The following MBOAT1 variants were observed in gnomAD, a reference collection of about 807,000 sequenced individuals.
The protein encoded by MBOAT1 is membrane-bound glycerophospholipid O-acyltransferase 1.
Under a neutral mutation model 64.4 loss-of-function variants are expected in MBOAT1, and 67 were observed. The ratio of observed to expected loss-of-function variants is 1.04; its 90% CI spans 0.85 to 1.27. The LOEUF (loss-of-function observed/expected upper bound fraction) is 1.27, where lower values mean the gene tolerates loss of function less well. MBOAT1 is among the 50% of genes most tolerant of loss of function. The probability of loss-of-function intolerance (pLI) is 0.00; values close to 1 mark genes in which losing one functional copy is unlikely to be tolerated. For missense variants in MBOAT1, 563 were observed against 604.6 expected (o/e 0.93, Z 0.72); for synonymous variants, 229 against 218.9 (o/e 1.05, Z -0.41).
chr6:20,157,878 G>GC (rs1761740802), intron 1 of MBOAT1, among the ~76,000 whole-genome samples: 1 of 152,118 alleles, frequency 6.6e-6, no homozygotes, highest in African/African-American at 2.4e-5. Flanking sequence ...ACATGAGCCA[G>GC]CCCGCAGTGG....
chr6:20,145,579 A>G (rs916089920), intron 3 of MBOAT1, among the ~76,000 whole-genome samples: 1 of 152,218 alleles, frequency 6.6e-6, no homozygotes, highest in African/African-American at 2.4e-5. Context: ...GGATCCCACT[A>G]TCTAGTGAAA....
rs532655486 is a variant in MBOAT1, at chr6:20,131,324, C to A, written c.420-125G>T. ...AATCCCCACATGTCGTGGGAGGGAC[C>A]AAATGGGAGGTAATTGAATCATGGG... On this transcript the variant is annotated intron_variant, in intron 4 of 12. Transcript: ENST00000324607. 401 of 789,224 alleles carry A rather than the reference C, an allele frequency of 5.1e-4. 10 individuals carry two copies. In the South Asian group the frequency reaches 5.7e-3, roughly 11 times the overall value. 48.9% of individuals were successfully genotyped at this position (789,224 alleles called of 1,614,324 possible). A position where few individuals can be genotyped will look rare whatever the true frequency, so the allele number is the denominator to read the frequency against.
At chr6:20,165,698 G>A (rs1761997577) in intron 1 of MBOAT1, among the ~76,000 whole-genome samples, 2 of 151,490 alleles carry the variant, frequency 1.3e-5, no homozygotes, top group Non-Finnish European at 2.9e-5. Context: ...AGCCGCGATC[G>A]TGCCAGTGCA....
chr6:20,198,104 T>G (rs1463549516), intron 1 of MBOAT1, among the ~76,000 whole-genome samples: 2 of 151,864 alleles, frequency 1.3e-5, no homozygotes, highest in East Asian at 3.9e-4. Flanking sequence ...GGCAGGTGCT[T>G]GTAATCCCAG....
intron 8 of MBOAT1, among the ~76,000 whole-genome samples, chr6:20,123,987 GT>G (rs1399365877): frequency 1.3e-5 from 2 of 152,166 alleles, no homozygotes; most frequent in African/African-American, 4.8e-5. Context: ...AACCCAGGAG[GT>G]GGAGCTTGCA....
intron 1 of MBOAT1, among the ~76,000 whole-genome samples, chr6:20,162,747 T>A (rs1329612091): frequency 1.3e-5 from 2 of 152,218 alleles, no homozygotes; most frequent in African/African-American, 4.8e-5. Flanking sequence ...TTGCCTGCAG[T>A]GGCCTCTCAA....
At chr6:20,114,752 T>C (rs1236595898) in intron 10 of MBOAT1, among the ~76,000 whole-genome samples, 2 of 151,912 alleles carry the variant, frequency 1.3e-5, no homozygotes, top group African/African-American at 2.4e-5. Context: ...GGCTTGGTGA[T>C]GGATGCCTGT....
At position 20,100,488 on chromosome 6, in the gene MBOAT1, A is replaced by T. The variant is rs1172473179; in HGVS notation, c.*1798T>A. 6.6e-6 allele frequency among the ~76,000 whole-genome samples: 1 copy of T among 152,140 alleles called. No individual in the cohort carries two copies. Among genetic ancestry groups the T allele is most frequent in the African/African-American group, 2.4e-5 (1 of 41,434 alleles). ...TAAAGTGGGGTGAGACTCATGCACT[A>T]GCTCACATCTACTACTTCTTAACTT... is the stretch of plus-strand genomic sequence containing the variant. On this transcript the variant is annotated 3_prime_UTR_variant, in exon 13 of 13. Transcript: ENST00000324607.
chr6:20,109,403 T>C (rs1252177480), intron 12 of MBOAT1, among the ~76,000 whole-genome samples, 195 bp downstream of exon 12: 1 of 152,200 alleles, frequency 6.6e-6, no homozygotes, highest in African/African-American at 2.4e-5. Flanking sequence ...TCAACAGTGC[T>C]TGTATGTATT....
chr6:20,124,610 G>A lies in MBOAT1; in HGVS notation c.715-10C>T, dbSNP rs538494652. ...TGTGTATCACAGCTCCCTGAAAATGGGGAAAAATCAGTGTCACCGTGCAGA... is the reference window on the plus strand; with the variant it reads ...TGTGTATCACAGCTCCCTGAAAATGAGGAAAAATCAGTGTCACCGTGCAGA... On this transcript the variant is annotated splice_polypyrimidine_tract_variant and intron_variant, in intron 7 of 12. Coordinates refer to ENST00000324607, the MANE Select transcript of MBOAT1 (RefSeq NM_001080480.3). 7 of 1,612,934 alleles carry A rather than the reference G, an allele frequency of 4.3e-6. No homozygotes were observed. The African/African-American group carries it at 6.7e-5, about 15-fold the overall frequency.
chr6:20,205,750 T>C (rs1228914096), intron 1 of MBOAT1, among the ~76,000 whole-genome samples: 2 of 151,918 alleles, frequency 1.3e-5, no homozygotes, highest in African/African-American at 4.8e-5. Flanking sequence ...TCAGACTGCT[T>C]CCAAAAGGCC....
chr6:20,165,129 T>C (rs76923429), intron 1 of MBOAT1, among the ~76,000 whole-genome samples: 1 of 152,256 alleles, frequency 6.6e-6, no homozygotes, highest in South Asian at 2.1e-4. Context: ...TAATTAAAGA[T>C]TTAAATCAGG....
At chr6:20,142,347 G>A (rs953407054) in intron 4 of MBOAT1, among the ~76,000 whole-genome samples, 8 of 152,346 alleles carry the variant, frequency 5.3e-5, no homozygotes, top group Middle Eastern at 3.4e-3. Context: ...ATGGGGAGTT[G>A]CAATCCCCAT....
At chr6:20,149,126 A>C (rs1246060638) in intron 3 of MBOAT1, among the ~76,000 whole-genome samples, 5 of 151,036 alleles carry the variant, frequency 3.3e-5, no homozygotes, top group Non-Finnish European at 5.9e-5. Flanking sequence ...AAAACCAAAC[A>C]AAAAAAGGAA....
intron 1 of MBOAT1, among the ~76,000 whole-genome samples, chr6:20,156,104 TAAA>T (rs566267306): frequency 2.0e-5 from 3 of 151,134 alleles, no homozygotes; most frequent in Non-Finnish European, 4.4e-5. Context: ...CCGTCTCTAC[TAAA>T]AAAAATACAA....
intron 3 of MBOAT1, among the ~76,000 whole-genome samples, chr6:20,147,096 T>C (rs1427669681): frequency 6.6e-6 from 1 of 152,228 alleles, no homozygotes; most frequent in Non-Finnish European, 1.5e-5. Context: ...CTCTCTTGCC[T>C]GCTGCCATGT....
At chr6:20,151,127 T>C (rs931070372) in intron 3 of MBOAT1, 58 bp downstream of exon 3, 15 of 1,264,496 alleles carry the variant, frequency 1.2e-5, no homozygotes, top group Non-Finnish European at 1.5e-5. Flanking sequence ...GAAATATATT[T>C]CAAAGATCAC....
intron 1 of MBOAT1, among the ~76,000 whole-genome samples, chr6:20,197,120 A>AT (rs35169311): frequency 6.6e-5 from 10 of 151,084 alleles, no homozygotes; most frequent in East Asian, 2.0e-4. Context: ...ATCTTTACAA[A>AT]TTTTTTTTTT....
intron 1 of MBOAT1, among the ~76,000 whole-genome samples, chr6:20,161,066 C>T (rs1761841479): frequency 6.6e-6 from 1 of 152,170 alleles, no homozygotes; most frequent in African/African-American, 2.4e-5. Flanking sequence ...TGGCAGGTGA[C>T]TGAGAGAAGC....
Sources: allele counts gnomAD v4.1 joint callset (sites outside exome capture counted in the v4.1 genomes callset), GRCh38; gene constraint gnomAD v4.1.1; transcripts MANE v1.5; gene names NCBI Gene and HGNC (gene_info 2026-07-23, HGNC 2026-07-21).